The following STK32B variants were observed in gnomAD, a reference collection of about 807,000 sequenced individuals.
STK32B encodes the protein serine/threonine kinase 32B.
A neutral mutation model predicts 52.6 loss-of-function variants in STK32B; 43 were observed. That is an observed-to-expected ratio of 0.82 (90% CI 0.64 to 1.05). The LOEUF (loss-of-function observed/expected upper bound fraction) is 1.05. Among genes scored for constraint, STK32B ranks in the 50% least tolerant of loss-of-function variants. The pLI is 0.00. For synonymous variants in STK32B, 238 were observed against 204.3 expected (o/e 1.17, Z -1.41); for missense variants, 621 against 534.6 (o/e 1.16, Z -1.59).
intron 3 of STK32B, among the ~76,000 whole-genome samples, chr4:5,193,916 G>A (rs1377970343): frequency 6.6e-6 from 1 of 152,180 alleles, no homozygotes; most frequent in Non-Finnish European, 1.5e-5. Flanking sequence ...TCCAGAAGCA[G>A]ATATCCTTTC....
At chr4:5,179,912 A>AC (rs1366228479) in intron 3 of STK32B, among the ~76,000 whole-genome samples, 1 of 152,210 alleles carries the variant, frequency 6.6e-6, no homozygotes, top group African/African-American at 2.4e-5. Flanking sequence ...TGCCAGCTGA[A>AC]CAGCCCCAGC....
intron 6 of STK32B, among the ~76,000 whole-genome samples, chr4:5,429,165 A>G (rs1560403343): frequency 1.3e-5 from 2 of 152,154 alleles, no homozygotes; most frequent in South Asian, 4.1e-4. Context: ...ATCTTTTTCT[A>G]TCCTTTTATT....
intron 3 of STK32B, among the ~76,000 whole-genome samples, chr4:5,207,662 T>C (rs949236642): frequency 6.6e-6 from 1 of 151,704 alleles, no homozygotes; most frequent in African/African-American, 2.4e-5. Flanking sequence ...TTCTCAAAAA[T>C]GCAGTCTCAG....
intron 2 of STK32B, 176 bp downstream of exon 2, chr4:5,140,136 C>A (rs923822972): frequency 2.8e-6 from 4 of 1,413,112 alleles, no homozygotes; most frequent in Non-Finnish European, 2.0e-6. Flanking sequence ...TAATTTTCTT[C>A]TGGAAATTAA....
intron 4 of STK32B, among the ~76,000 whole-genome samples, chr4:5,359,957 A>G (rs1188015692): frequency 6.6e-6 from 1 of 152,206 alleles, no homozygotes; most frequent in Non-Finnish European, 1.5e-5. Flanking sequence ...GGTTCAATCT[A>G]TGCTTTCGAT....
At chr4:5,306,411 G>A (rs1233745958) in intron 3 of STK32B, among the ~76,000 whole-genome samples, 2 of 152,116 alleles carry the variant, frequency 1.3e-5, no homozygotes, top group African/African-American at 2.4e-5. Flanking sequence ...ATATATTTAG[G>A]AATGTGATAT....
chr4:5,494,256 G>T (rs1007885634), intron 11 of STK32B, among the ~76,000 whole-genome samples: 4 of 152,056 alleles, frequency 2.6e-5, no homozygotes, highest in African/African-American at 9.7e-5. Flanking sequence ...TATGAATCTG[G>T]GTGCTCCTGT....
intron 3 of STK32B, among the ~76,000 whole-genome samples, chr4:5,317,216 T>TATATATATTATATATAAC (rs1560313306): frequency 2.0e-4 from 11 of 55,640 alleles, no homozygotes; most frequent in Admixed American, 9.4e-4. Flanking sequence ...ATATATAACA[T>TATATATATTATATATAAC]ATATATATTA....
intron 3 of STK32B, among the ~76,000 whole-genome samples, chr4:5,212,333 T>C (rs1464947274): frequency 6.6e-6 from 1 of 152,176 alleles, no homozygotes; most frequent in Non-Finnish European, 1.5e-5. Flanking sequence ...TCAAGGTTAT[T>C]TGTGCAAGTA....
intron 4 of STK32B, among the ~76,000 whole-genome samples, chr4:5,361,920 C>T (rs1266818955): frequency 6.6e-6 from 1 of 152,166 alleles, no homozygotes; most frequent in Non-Finnish European, 1.5e-5. Context: ...TCAAAATCAG[C>T]ATTGCAGTTT....
chr4:5,319,948 A>G (rs1002199037), intron 3 of STK32B, among the ~76,000 whole-genome samples: 1 of 152,248 alleles, frequency 6.6e-6, no homozygotes, highest in Admixed American at 6.5e-5. Context: ...GATGCAACTT[A>G]CTGAGAAACC....
rs951652554 is a variant in STK32B, at chr4:5,208,495, A to G, written c.260+40045A>G. On this transcript the variant is annotated intron_variant, in intron 3 of 11. Coordinates refer to ENST00000282908, the MANE Select transcript of STK32B (RefSeq NM_018401.3). ...ATGGCATTTGATCTTCACATTAGTC[A>G]TGAGAAGTTTTCTAACTTCAATTTC... is the stretch of plus-strand genomic sequence containing the variant. Among the ~76,000 whole-genome samples the G allele has an allele frequency of 4.6e-5, 7 of 152,222 alleles. No homozygotes were observed. In the East Asian group the frequency reaches 7.7e-4, roughly 17 times the overall value.
intron 1 of STK32B, among the ~76,000 whole-genome samples, chr4:5,111,713 T>C (rs758474552): frequency 1.3e-5 from 2 of 152,104 alleles, no homozygotes; most frequent in African/African-American, 2.4e-5. Context: ...ATGCGTCTGA[T>C]ACCCATGTAA....
chr4:5,457,047 T>C, intron 8 of STK32B, 124 bp downstream of exon 8: 1 of 636,022 alleles, frequency 1.6e-6, no homozygotes. Context: ...TCAAATCAGC[T>C]GCGCTCAAAT....
intron 7 of STK32B, among the ~76,000 whole-genome samples, chr4:5,456,386 G>A (rs555153018): frequency 6.6e-4 from 100 of 152,358 alleles, no homozygotes; most frequent in Middle Eastern, 6.8e-3. Context: ...AGTTCGGCCC[G>A]GACAGGGAAA....
intron 11 of STK32B, among the ~76,000 whole-genome samples, chr4:5,495,550 T>C (rs1720156401): frequency 6.6e-6 from 1 of 152,240 alleles, no homozygotes; most frequent in Admixed American, 6.5e-5. Context: ...AGTAGCTTGA[T>C]CGTCTGAAGC....
intron 3 of STK32B, among the ~76,000 whole-genome samples, chr4:5,204,608 T>C (rs189681942): frequency 6.6e-6 from 1 of 152,266 alleles, no homozygotes; most frequent in Admixed American, 6.5e-5. Flanking sequence ...TAGCTGGGAC[T>C]ACAGGTGGCT....
chr4:5,158,119 A>G (rs1028857181), intron 2 of STK32B, among the ~76,000 whole-genome samples: 4 of 152,202 alleles, frequency 2.6e-5, no homozygotes, highest in Admixed American at 6.5e-5. Context: ...AGCGTCGGCC[A>G]GAGTAGATGA....
intron 11 of STK32B, among the ~76,000 whole-genome samples, chr4:5,480,979 T>A (rs1718651298): frequency 6.6e-6 from 1 of 152,168 alleles, no homozygotes; most frequent in South Asian, 2.1e-4. Context: ...ATCCAGTCTA[T>A]CATTGTTGGA....
Sources: gnomAD v4.1 joint callset for allele counts (sites outside exome capture counted in the v4.1 genomes callset) on GRCh38, gnomAD v4.1.1 for gene constraint, MANE v1.5 for transcripts, NCBI Gene and HGNC (gene_info 2026-07-23, HGNC 2026-07-21) for gene names.